LINC00632: variants seen among roughly 807,000 people sequenced by gnomAD.
The protein encoded by LINC00632 is ALDOA related specific transcript.
chrX:140,724,681 T>C (rs765077792), intron 2 of LINC00632, among the ~76,000 whole-genome samples: 61 of 56,911 alleles, frequency 1.1e-3, no homozygotes, highest in Non-Finnish European at 2.0e-3. Context: ...ACACATTCCA[T>C]ACACACACAG....
Position 140,785,812 on chromosome X carries a change from TG to T in LINC00632, n.13832del, listed in dbSNP as rs751210093. ...TTGGAATTTAACTCTTCTATCTATT[TG>T]AATCCCCTTTTACTGACTTTTGTCC... On this transcript the variant is annotated non_coding_transcript_exon_variant, in exon 5 of 5. Coordinates refer to ENST00000648200, the Ensembl canonical transcript of LINC00632. 1.1e-4 allele frequency among the ~76,000 whole-genome samples: 12 copies of T among 112,312 alleles called. No individual in the cohort carries two copies. The East Asian group carries it at 3.4e-3, about 32-fold the overall frequency.
exon 5 of LINC00632, among the ~76,000 whole-genome samples, chrX:140,781,664 T>C (rs1931936136): frequency 8.9e-6 from 1 of 111,847 alleles, no homozygotes; most frequent in Admixed American, 9.5e-5. Flanking sequence ...TGTTCTCATA[T>C]GTGAATGCTA....
At chrX:140,740,068 G>A (rs1014048005) in intron 3 of LINC00632, among the ~76,000 whole-genome samples, 1 of 111,741 alleles carries the variant, frequency 8.9e-6, no homozygotes, top group African/African-American at 3.3e-5. Context: ...CTGGCATTCT[G>A]TTCTTTGTTT....
intron 3 of LINC00632, among the ~76,000 whole-genome samples, chrX:140,771,397 C>T (rs1346647984): frequency 3.8e-5 from 4 of 106,378 alleles, no homozygotes; most frequent in Non-Finnish European, 7.7e-5. Flanking sequence ...AAAAATATAA[C>T]GTGGAAAAAG....
chrX:140,784,367 G>A, exon 5 of LINC00632: 1 of 1,209,213 alleles, frequency 8.3e-7, no homozygotes. Flanking sequence ...ACCAAGCCAT[G>A]TCTTCCAGAA....
chrX:140,744,567 TGGGGGG>T (rs373766988), intron 3 of LINC00632, among the ~76,000 whole-genome samples: 18 of 18,219 alleles, frequency 9.9e-4, no homozygotes, highest in East Asian at 3.5e-3. Context: ...AGCTTTTTTT[TGGGGGG>T]GGGGGTGGGG....
Position 140,726,494 on chromosome X carries a change from G to T in LINC00632, n.105-7384G>T, listed in dbSNP as rs142449878. Among the ~76,000 whole-genome samples, 824 of 111,715 alleles carry T rather than the reference G, an allele frequency of 7.4e-3. 5 individuals carry two copies. The highest frequency in any genetic ancestry group is 0.068 in the Middle Eastern group (15 of 219). ...TGCATAAACCCACCCCAGAACACATGCAGCACAACACGTAGATTTGCCCTC... is the reference window on the plus strand; with the variant it reads ...TGCATAAACCCACCCCAGAACACATTCAGCACAACACGTAGATTTGCCCTC... On this transcript the variant is annotated intron_variant and non_coding_transcript_variant, in intron 2 of 4. Coordinates refer to ENST00000648200, the Ensembl canonical transcript of LINC00632.
intron 2 of LINC00632, among the ~76,000 whole-genome samples, chrX:140,725,514 G>A (rs951661070): frequency 6.1e-5 from 5 of 81,465 alleles, no homozygotes; most frequent in Admixed American, 1.4e-4. Context: ...ATATGCATAC[G>A]CAGGTATGTC....
At chrX:140,766,424 A>G (rs1455050162) in intron 3 of LINC00632, among the ~76,000 whole-genome samples, 1 of 112,226 alleles carries the variant, frequency 8.9e-6, no homozygotes, top group Non-Finnish European at 1.9e-5. Flanking sequence ...TTCCATAACA[A>G]TCAAAGATTA....
chrX:140,760,628 G>A (rs947920903), intron 3 of LINC00632, among the ~76,000 whole-genome samples: 1 of 111,475 alleles, frequency 9.0e-6, no homozygotes, highest in Non-Finnish European at 1.9e-5. Flanking sequence ...ACGATTAGCT[G>A]GGCATGGTGG....
exon 5 of LINC00632, among the ~76,000 whole-genome samples, chrX:140,775,932 A>T (rs1176250696): frequency 9.0e-6 from 1 of 111,386 alleles, no homozygotes; most frequent in Non-Finnish European, 1.9e-5. Context: ...GGAAAAGGAA[A>T]AAAAAAAGTT....
At chrX:140,742,877 G>GAAAGGAAGGAAGGAAGGAAGGAAGGA (rs61610211) in intron 3 of LINC00632, among the ~76,000 whole-genome samples, 1 of 94,410 alleles carries the variant, frequency 1.1e-5, no homozygotes, top group African/African-American at 4.1e-5. Context: ...GAGAGAGAGA[G>GAAAGGAAGGAAGGAAGGAAGGAAGGA]AGGAAGGAAG....
exon 5 of LINC00632, among the ~76,000 whole-genome samples, chrX:140,788,557 T>C (rs1473125394): frequency 9.1e-6 from 1 of 109,936 alleles, no homozygotes; most frequent in Non-Finnish European, 1.9e-5. Flanking sequence ...AATTAAAATA[T>C]ATTTAAACTT....
intron 2 of LINC00632, among the ~76,000 whole-genome samples, chrX:140,723,998 A>T (rs1930837256): frequency 9.1e-6 from 1 of 109,623 alleles, no homozygotes; most frequent in Admixed American, 9.6e-5. Flanking sequence ...CCATACACAG[A>T]CACACACCAT....
exon 5 of LINC00632, chrX:140,783,706 C>T (rs1159783488): frequency 8.3e-7 from 1 of 1,210,678 alleles, no homozygotes; most frequent in Admixed American, 2.2e-5. Context: ...CGTCTTCCAC[C>T]AAATCCAGGT....
At chrX:140,727,854 C>A (rs1286028365) in intron 2 of LINC00632, among the ~76,000 whole-genome samples, 1 of 111,857 alleles carries the variant, frequency 8.9e-6, no homozygotes, top group African/African-American at 3.3e-5. Context: ...CACAGCCTCA[C>A]TCTACAACAG....
exon 5 of LINC00632, among the ~76,000 whole-genome samples, chrX:140,788,555 TA>T (rs1932051984): frequency 9.1e-6 from 1 of 109,965 alleles, no homozygotes; most frequent in Non-Finnish European, 1.9e-5. Context: ...AAAATTAAAA[TA>T]TATTTAAACT....
At chrX:140,770,538 AAAC>A (rs1197098440) in intron 3 of LINC00632, among the ~76,000 whole-genome samples, 1 of 112,214 alleles carries the variant, frequency 8.9e-6, no homozygotes, top group African/African-American at 3.2e-5. Context: ...CTCCATCTCA[AAAC>A]AACAACATAA....
At chrX:140,768,722 TTAAA>T (rs1182608948) in intron 3 of LINC00632, among the ~76,000 whole-genome samples, 2 of 98,603 alleles carry the variant, frequency 2.0e-5, no homozygotes, top group African/African-American at 7.4e-5. Flanking sequence ...ATATATTTAA[TTAAA>T]TATATAATTA....
Sources: allele counts gnomAD v4.1 joint callset (sites outside exome capture counted in the v4.1 genomes callset), GRCh38; gene constraint gnomAD v4.1.1; transcripts MANE v1.5; gene names NCBI Gene and HGNC (gene_info 2026-07-23, HGNC 2026-07-21).